GPHN: variants seen among roughly 807,000 people sequenced by gnomAD.
The protein encoded by GPHN is gephyrin.
Under a neutral mutation model 95.5 loss-of-function variants are expected in GPHN, and 17 were observed. That is an observed-to-expected ratio of 0.18 (90% CI 0.12 to 0.27). The LOEUF is 0.27. Ranked by LOEUF, GPHN falls within the 10% of genes least tolerant of loss-of-function variation. The pLI is 1.00. For missense variants in GPHN, 660 were observed against 978.1 expected (o/e 0.67, Z 4.34); for synonymous variants, 320 against 322.5 (o/e 0.99, Z 0.08).
At chr14:67,496,580 C>T in the GPHN span, among the ~76,000 whole-genome samples, 2 of 151,640 alleles carry the variant, frequency 1.3e-5, no homozygotes, top group South Asian at 4.2e-4. Context: ...GAGAAGTAGA[C>T]GTGAGAGAGG....
At chr14:67,194,244 G>A in the GPHN span, among the ~76,000 whole-genome samples, 1 of 150,272 alleles carries the variant, frequency 6.7e-6, no homozygotes, top group Non-Finnish European at 1.5e-5. Context: ...CAGGCCTGTG[G>A]TCCCAACTAC....
chr14:67,443,804 G>A, the GPHN span, among the ~76,000 whole-genome samples: 7 of 152,072 alleles, frequency 4.6e-5, no homozygotes, highest in Non-Finnish European at 1.0e-4. Context: ...TGCAGGAATG[G>A]CATGTCCCCA....
At chr14:67,725,299 G>T in the GPHN span, 2 of 1,601,938 alleles carry the variant, frequency 1.2e-6, no homozygotes, top group Admixed American at 3.4e-5. Flanking sequence ...ATTGGGTATG[G>T]GAGTGGCTGC....
At chr14:66,772,079 T>C (rs897981244) in intron 2 of GPHN, among the ~76,000 whole-genome samples, 2 of 152,028 alleles carry the variant, frequency 1.3e-5, no homozygotes, top group Admixed American at 1.3e-4. Context: ...AATTCCACTT[T>C]TGTGAAACAA....
the GPHN span, chr14:67,473,543 C>T: frequency 8.0e-5 from 129 of 1,613,860 alleles, no homozygotes; most frequent in Non-Finnish European, 1.0e-4. The surrounding 1 kb of genome is among the most constrained non-coding windows in gnomAD (Gnocchi z 6.5). Flanking sequence ...TGATGAGGGC[C>T]CCGCAGAACC....
the GPHN span, among the ~76,000 whole-genome samples, chr14:67,601,136 G>T: frequency 6.6e-6 from 1 of 152,284 alleles, no homozygotes; most frequent in South Asian, 2.1e-4. Flanking sequence ...GATGGACTGA[G>T]GACTTTACAT....
At chr14:66,995,467 C>T (rs977777563) in intron 9 of GPHN, among the ~76,000 whole-genome samples, 7 of 152,226 alleles carry the variant, frequency 4.6e-5, no homozygotes, top group Middle Eastern at 3.4e-3. Flanking sequence ...GATACTTTTT[C>T]GCACAACTCT....
chr14:67,057,085 A>T (rs1388611042), intron 10 of GPHN, among the ~76,000 whole-genome samples: 3 of 152,002 alleles, frequency 2.0e-5, no homozygotes, highest in Non-Finnish European at 4.4e-5. Context: ...CTGCAAGCAG[A>T]GGGAGCCGGC....
chr14:67,304,192 T>TC, the GPHN span: 4 of 152,632 alleles, frequency 2.6e-5, no homozygotes, highest in African/African-American at 9.6e-5. Context: ...AAAGTATGTG[T>TC]AACCCTTCTT....
chr14:67,351,026 C>A, the GPHN span, among the ~76,000 whole-genome samples: 2 of 152,136 alleles, frequency 1.3e-5, no homozygotes, highest in Non-Finnish European at 2.9e-5. Context: ...AGTCAAAACC[C>A]TAATGGTGTA....
chr14:67,085,754 C>T (rs569213756), intron 11 of GPHN, among the ~76,000 whole-genome samples: 1 of 152,240 alleles, frequency 6.6e-6, no homozygotes, highest in Admixed American at 6.5e-5. Flanking sequence ...GTGTATGGTT[C>T]AATAGCATTA....
chr14:66,619,258 T>G (rs2063183024), intron 1 of GPHN, among the ~76,000 whole-genome samples: 2 of 152,184 alleles, frequency 1.3e-5, no homozygotes, highest in Non-Finnish European at 2.9e-5. Flanking sequence ...ATGAAATGGC[T>G]AGATCATTGG....
chr14:66,853,818 A>T (rs920443737), intron 4 of GPHN, among the ~76,000 whole-genome samples: 1 of 152,214 alleles, frequency 6.6e-6, no homozygotes, highest in African/African-American at 2.4e-5. Flanking sequence ...CAGTTTTATC[A>T]AAAACAGATT....
Position 66,748,239 on chromosome 14 carries a change from A to G in GPHN, c.144-28225A>G, listed in dbSNP as rs2058231938. On this transcript the variant is annotated intron_variant, in intron 2 of 22. Transcript: ENST00000478722. The stretch of plus-strand genomic sequence containing the variant: ...AATACTTTTACTATAGTACTTATTA[A>G]TAAACTCATTTTTAAATTTAAATTG... Among the ~76,000 whole-genome samples, 5 of 152,108 alleles carry G rather than the reference A, an allele frequency of 3.3e-5. No homozygotes were observed. The South Asian group carries it at 1.0e-3, about 31-fold the overall frequency.
the GPHN span, chr14:67,578,043 C>T: frequency 3.1e-6 from 5 of 1,613,744 alleles, no homozygotes; most frequent in East Asian, 2.2e-5. This position sits in a 1 kb window ranked among gnomAD's most constrained non-coding sequence, Gnocchi z 5.0. Flanking sequence ...TCTTCATCAA[C>T]GTGCCGGTGG....
chr14:66,638,872 A>ATATTC (rs995106348), intron 1 of GPHN, among the ~76,000 whole-genome samples: 9 of 152,150 alleles, frequency 5.9e-5, no homozygotes, highest in African/African-American at 2.2e-4. Context: ...ATCAGATGAC[A>ATATTC]CATTCCAAGA....
the GPHN span, among the ~76,000 whole-genome samples, chr14:67,340,830 C>T: frequency 2.0e-5 from 3 of 152,178 alleles, no homozygotes; most frequent in Non-Finnish European, 4.4e-5. Flanking sequence ...CGTGCCGCCA[C>T]GCCTGACTGG....
intron 4 of GPHN, among the ~76,000 whole-genome samples, chr14:66,831,905 G>A (rs535488095): frequency 6.6e-6 from 1 of 152,140 alleles, no homozygotes; most frequent in African/African-American, 2.4e-5. Flanking sequence ...CCAGCCCTTT[G>A]GGAGGCCGAG....
chr14:67,379,222 C>T, the GPHN span, among the ~76,000 whole-genome samples: 3 of 152,092 alleles, frequency 2.0e-5, no homozygotes, highest in Admixed American at 1.3e-4. Flanking sequence ...ATATATATGC[C>T]TAGGAGTGGA....
Sources: gnomAD v4.1 joint callset for allele counts (sites outside exome capture counted in the v4.1 genomes callset) on GRCh38, gnomAD v4.1.1 for gene constraint, Gnocchi (gnomAD v3.1) non-coding constraint, MANE v1.5 for transcripts, NCBI Gene and HGNC (gene_info 2026-07-23, HGNC 2026-07-21) for gene names.